POLR2B: variants seen among roughly 807,000 people sequenced by gnomAD.
The protein encoded by POLR2B is DNA-directed RNA polymerase II subunit RPB2.
In POLR2B, 57 loss-of-function variants were observed where a neutral mutation model predicts 144.6. The observed-to-expected ratio is 0.39, with a 90% CI of 0.32 to 0.49. POLR2B has a LOEUF of 0.49. Among genes scored for constraint, POLR2B ranks in the 20% least tolerant of loss-of-function variants. The pLI, the probability that POLR2B is intolerant of heterozygous loss-of-function variation, is 0.83. For synonymous variants in POLR2B, 442 were observed against 469.8 expected (o/e 0.94, Z 0.77); for missense variants, 595 against 1,467.4 (o/e 0.41, Z 9.71).
At chr4:56,988,353 G>A (rs1722395481) in intron 2 of POLR2B, among the ~76,000 whole-genome samples, 1 of 152,024 alleles carries the variant, frequency 6.6e-6, no homozygotes, top group Admixed American at 6.6e-5. Flanking sequence ...CTGGCCACAG[G>A]TAGAATTAAG....
In POLR2B at chr4:57,030,418, G is replaced by A; in HGVS notation, c.3435+19G>A. On this transcript the variant is annotated intron_variant, in intron 24 of 24. Transcript: ENST00000314595. ...AACCCAGGTGTGTATAGACTTTACT[G>A]GCAGTTGATATTTGTTTAGAGGAAA... is the stretch of plus-strand genomic sequence containing the variant. 1 of 1,562,948 alleles carries A rather than the reference G, an allele frequency of 6.4e-7. No homozygotes were observed. Among genetic ancestry groups the A allele is most frequent in the Non-Finnish European group, 8.7e-7 (1 of 1,143,632 alleles).
intron 23 of POLR2B, 77 bp downstream of exon 23, chr4:57,025,614 G>C: frequency 1.0e-6 from 1 of 963,708 alleles, no homozygotes; most frequent in Non-Finnish European, 1.6e-6. Flanking sequence ...AATGGAGATA[G>C]TGGTATAGTG....
At chr4:56,992,556 A>T (rs1276802686) in intron 3 of POLR2B, among the ~76,000 whole-genome samples, 1 of 103,884 alleles carries the variant, frequency 9.6e-6, no homozygotes, top group African/African-American at 3.3e-5. Context: ...ATTTTGGCTT[A>T]TCTATTTTTT....
At chr4:56,996,150 C>T (rs1412252244) in intron 6 of POLR2B, among the ~76,000 whole-genome samples, 1 of 148,578 alleles carries the variant, frequency 6.7e-6, no homozygotes, top group Non-Finnish European at 1.5e-5. Context: ...AATTCTGTTA[C>T]TCAGATTGCT....
At chr4:57,001,937 T>C (rs1229909683) in intron 7 of POLR2B, among the ~76,000 whole-genome samples, 1 of 152,134 alleles carries the variant, frequency 6.6e-6, no homozygotes, top group African/African-American at 2.4e-5. Flanking sequence ...GAACAGGGAG[T>C]ATATTTTAGT....
At chr4:57,000,361 T>C (rs1722813573) in intron 7 of POLR2B, among the ~76,000 whole-genome samples, 1 of 152,108 alleles carries the variant, frequency 6.6e-6, no homozygotes, top group South Asian at 2.1e-4. Flanking sequence ...GCCCAGGAGG[T>C]GGAGGCTGCA....
intron 6 of POLR2B, among the ~76,000 whole-genome samples, chr4:56,998,818 G>A (rs969253177): frequency 6.6e-6 from 1 of 152,216 alleles, no homozygotes; most frequent in African/African-American, 2.4e-5. Flanking sequence ...ACATTTGGGT[G>A]TCATATATGA....
chr4:57,020,205 T>G (rs1723497045), intron 16 of POLR2B, among the ~76,000 whole-genome samples: 1 of 152,136 alleles, frequency 6.6e-6, no homozygotes. Flanking sequence ...AGCTAGTTTT[T>G]GTATTTTTAT....
chr4:56,985,280 G>T (rs2109644085), intron 1 of POLR2B: 1 of 971,530 alleles, frequency 1.0e-6, no homozygotes, highest in Non-Finnish European at 1.2e-6. Context: ...TGTGGCCCAG[G>T]CTGGAGTGCA....
chr4:57,009,317 G>A (rs114033656), intron 10 of POLR2B, among the ~76,000 whole-genome samples: 40 of 152,266 alleles, frequency 2.6e-4, no homozygotes, highest in African/African-American at 9.4e-4. Flanking sequence ...CATGGTCAAA[G>A]GCTTGGAGGT....
chr4:57,000,948 G>A lies in POLR2B; in HGVS notation c.900+1167G>A, dbSNP rs558352948. Among the ~76,000 whole-genome samples, 10 of 152,072 alleles carry A rather than the reference G, an allele frequency of 6.6e-5. No individual in the cohort carries two copies. The South Asian group carries it at 8.3e-4, about 13-fold the overall frequency. The stretch of plus-strand genomic sequence containing the variant: ...TGACCTCAGGTGATCTGCCCACCTC[G>A]GCCTCCCAAAGTGATAGGATTACAA... On this transcript the variant is annotated intron_variant, in intron 7 of 24. Transcript: ENST00000314595.
At position 57,023,323 on chromosome 4, in the gene POLR2B, C is replaced by T. The variant is rs371255758; in HGVS notation, c.2516-7C>T. 2.5e-6 allele frequency: 4 copies of T among 1,613,126 alleles called. No homozygotes were observed. The highest frequency in any genetic ancestry group is 3.4e-6 in the Non-Finnish European group (4 of 1,179,470). On this transcript the variant is annotated splice_region_variant and splice_polypyrimidine_tract_variant and intron_variant, in intron 18 of 24. Transcript: ENST00000314595. This position sits in a 1 kb window ranked among gnomAD's most constrained non-coding sequence, Gnocchi z 4.3. Reference sequence around the variant, plus strand: ...TTATGTGACATTCCGTGTCTATTTCCTCACAGGCATGAGGCATGCCATTTA... The same window carrying T: ...TTATGTGACATTCCGTGTCTATTTCTTCACAGGCATGAGGCATGCCATTTA...
At chr4:56,985,749 G>C (rs1722304216) in intron 1 of POLR2B, among the ~76,000 whole-genome samples, 1 of 152,182 alleles carries the variant, frequency 6.6e-6, no homozygotes, top group African/African-American at 2.4e-5. Flanking sequence ...AAACATGACA[G>C]AAACTTCATT....
Position 56,999,742 on chromosome 4 carries a change from T to G in POLR2B, c.861T>G (p.His287Gln). 1 of 1,610,766 alleles carries G rather than the reference T, an allele frequency of 6.2e-7. No homozygotes were observed. The highest frequency in any genetic ancestry group is 8.5e-7 in the Non-Finnish European group (1 of 1,177,508). ...TGTCCGACAGAGATATTTTAGAACA[T>G]ATTATTTATGATTTTGAAGATCCAG... ...GFVSDRDILE[H>Q]IIYDFEDPEM... The change falls in exon 7 of 25, where the codon CAT becomes CAG. Residue 287 changes from histidine to glutamine, a missense_variant. Transcript: ENST00000314595.
At chr4:57,012,814 A>G (rs986224254) in intron 13 of POLR2B, among the ~76,000 whole-genome samples, 3 of 151,374 alleles carry the variant, frequency 2.0e-5, no homozygotes, top group African/African-American at 7.3e-5. Context: ...ACAGATGTGT[A>G]CCACCATGCC....
intron 13 of POLR2B, among the ~76,000 whole-genome samples, chr4:57,013,887 C>G (rs1340456737): frequency 6.7e-6 from 1 of 149,370 alleles, no homozygotes; most frequent in Non-Finnish European, 1.5e-5. Context: ...GTGGGAGGAT[C>G]GCTTAAAGCT....
At chr4:57,030,083 G>T (rs1016510460) in intron 23 of POLR2B, 121 bp from the exon 24 acceptor site, 38 of 771,900 alleles carry the variant, frequency 4.9e-5, no homozygotes, top group African/African-American at 7.1e-5. Context: ...GAATGCTAGG[G>T]TATAAAAATT....
intron 6 of POLR2B, among the ~76,000 whole-genome samples, chr4:56,998,022 C>A (rs1214558200): frequency 6.6e-6 from 1 of 151,874 alleles, no homozygotes; most frequent in Admixed American, 6.6e-5. Flanking sequence ...TAATTAGAGA[C>A]AGAGAAAGGA....
chr4:57,024,171 T>C, intron 21 of POLR2B, 59 bp downstream of exon 21: 1 of 883,068 alleles, frequency 1.1e-6, no homozygotes, highest in Non-Finnish European at 1.8e-6. Context: ...AAAACTCTGA[T>C]AGGTGATTGC....
Sources: allele counts gnomAD v4.1 joint callset (sites outside exome capture counted in the v4.1 genomes callset), GRCh38; gene constraint gnomAD v4.1.1; non-coding constraint Gnocchi (gnomAD v3.1); transcripts MANE v1.5; gene names NCBI Gene and HGNC (gene_info 2026-07-23, HGNC 2026-07-21).